The following TMEM25 variants were observed in gnomAD, a reference collection of about 807,000 sequenced individuals.
TMEM25 encodes 0610039J01Rik.
A neutral mutation model predicts 37.0 loss-of-function variants in TMEM25; 36 were observed. The observed-to-expected ratio is 0.97, with a 90% confidence interval of 0.75 to 1.28. The LOEUF is 1.28. Among genes scored for constraint, TMEM25 ranks in the 50% most tolerant of loss-of-function variants. The pLI, the probability that TMEM25 is intolerant of heterozygous loss-of-function variation, is 0.00. For missense variants in TMEM25, 444 were observed against 477.9 expected (o/e 0.93, Z 0.66); for synonymous variants, 197 against 203.7 (o/e 0.97, Z 0.28).
intron 8 of TMEM25, among the ~76,000 whole-genome samples, chr11:118,545,242 A>C (rs568166657): frequency 6.6e-6 from 1 of 152,202 alleles, no homozygotes; most frequent in South Asian, 2.1e-4. Flanking sequence ...TTTCCCCTTG[A>C]AAACTCCATC....
chr11:118,544,731 GAGGC>G, intron 8 of TMEM25: 1 of 583,516 alleles, frequency 1.7e-6, no homozygotes, highest in East Asian at 2.9e-5. Context: ...ACAGCAATCT[GAGGC>G]AGGCAGGTTC....
chr11:118,532,134 T>G lies in TMEM25; in HGVS notation c.71-16T>G. 1 of 1,539,164 alleles carries G rather than the reference T, an allele frequency of 6.5e-7. No homozygotes were observed. Among genetic ancestry groups the G allele is most frequent in the South Asian group, 1.3e-5 (1 of 78,910 alleles). ...CGTGCCTGAGCCCTTCCCAGAGGCCTCCTGCTGTGTTCCAGGTTGGGGGGA... is the reference window on the plus strand; with the variant it reads ...CGTGCCTGAGCCCTTCCCAGAGGCCGCCTGCTGTGTTCCAGGTTGGGGGGA... On this transcript the variant is annotated splice_polypyrimidine_tract_variant and intron_variant, in intron 2 of 8. Coordinates refer to ENST00000313236, the MANE Select transcript of TMEM25 (RefSeq NM_032780.4).
At position 118,534,486 on chromosome 11, in the gene TMEM25, C is replaced by T. The variant is rs200372342; in HGVS notation, c.1028-21C>T. 3.0e-5 allele frequency: 48 copies of T among 1,613,990 alleles called. No individual in the cohort carries two copies. Among genetic ancestry groups the T allele is most frequent in the Admixed American group, 1.8e-4 (11 of 60,016 alleles). On this transcript the variant is annotated intron_variant, in intron 8 of 8. Coordinates refer to ENST00000313236, the MANE Select transcript of TMEM25 (RefSeq NM_032780.4). This position sits in a 1 kb window ranked among gnomAD's most constrained non-coding sequence, Gnocchi z 4.6. ...AGGAACAAGCGTTACTGAGTCCCCG[C>T]GGGCTTCTTTGATCCCGCAGGTTTC...
At chr11:118,542,142 A>G (rs1352665788) in intron 8 of TMEM25, among the ~76,000 whole-genome samples, 1 of 152,188 alleles carries the variant, frequency 6.6e-6, no homozygotes, top group Non-Finnish European at 1.5e-5. Flanking sequence ...GGGGCCGGGA[A>G]GTACACGGTT....
chr11:118,538,345 T>G (rs1555064289), downstream of TMEM25, among the ~76,000 whole-genome samples: 2 of 151,852 alleles, frequency 1.3e-5, no homozygotes, highest in African/African-American at 4.8e-5. Flanking sequence ...ATTTTTGTAT[T>G]TTTACTAGAG....
In TMEM25 at chr11:118,531,213, C is replaced by T; in HGVS notation, c.-49C>T. 1 of 463,468 alleles carries T rather than the reference C, an allele frequency of 2.2e-6. No individual in the cohort carries two copies. The highest frequency in any genetic ancestry group is 3.8e-6 in the Non-Finnish European group (1 of 259,772). 28.7% of individuals were successfully genotyped at this position (463,468 alleles called of 1,614,324 possible). A position where few individuals can be genotyped will look rare whatever the true frequency, so the allele number is the denominator to read the frequency against. Reference sequence around the variant, plus strand: ...CATCAGACCTGAGCAGTTGCTCCGGCGGCGCTCGGGGAGGGAGCCAGGTGA... The same window carrying T: ...CATCAGACCTGAGCAGTTGCTCCGGTGGCGCTCGGGGAGGGAGCCAGGTGA... On this transcript the variant is annotated 5_prime_UTR_variant, in exon 1 of 9. Coordinates refer to ENST00000313236, the MANE Select transcript of TMEM25 (RefSeq NM_032780.4).
chr11:118,547,020 TC>T (rs1951703415), downstream of TMEM25: 1 of 152,246 alleles, frequency 6.6e-6, no homozygotes. Context: ...CACTGATATT[TC>T]TTCATATTAG....
At chr11:118,543,480 T>C (rs1555066218) in intron 8 of TMEM25, among the ~76,000 whole-genome samples, 1 of 152,146 alleles carries the variant, frequency 6.6e-6, no homozygotes, top group East Asian at 1.9e-4. Context: ...TTGTAACCAA[T>C]TTATCATATT....
downstream of TMEM25, among the ~76,000 whole-genome samples, chr11:118,540,170 C>T (rs147894407): frequency 9.4e-3 from 1,428 of 151,828 alleles, 33 homozygotes; most frequent in African/African-American, 0.033. Flanking sequence ...AGTGCAGTGG[C>T]GCAATCTCGG....
chr11:118,541,257 T>A (rs1951574434), intron 8 of TMEM25, among the ~76,000 whole-genome samples: 1 of 151,868 alleles, frequency 6.6e-6, no homozygotes, highest in Admixed American at 6.6e-5. Flanking sequence ...GGTCAAGAGA[T>A]CGAGACCATC....
downstream of TMEM25, among the ~76,000 whole-genome samples, chr11:118,540,491 T>A (rs1018091130): frequency 1.1e-4 from 17 of 152,250 alleles, no homozygotes; most frequent in African/African-American, 3.9e-4. Flanking sequence ...CAGAAGGTCC[T>A]GGGGCTCTTC....
At chr11:118,544,925 G>C in intron 8 of TMEM25, 1 of 1,612,230 alleles carries the variant, frequency 6.2e-7, no homozygotes, top group Non-Finnish European at 8.5e-7. Context: ...CTCAGCTGAA[G>C]GTTAATGTCT....
intron 2 of TMEM25, 33 bp downstream of exon 2, chr11:118,531,904 T>G: frequency 6.5e-7 from 1 of 1,550,344 alleles, no homozygotes; most frequent in Non-Finnish European, 8.7e-7. Flanking sequence ...ACCAAGTCCT[T>G]CTGGGTTCCA....
At chr11:118,543,311 TTGTG>T (rs1271181240) in intron 8 of TMEM25, among the ~76,000 whole-genome samples, 1 of 152,142 alleles carries the variant, frequency 6.6e-6, no homozygotes, top group Non-Finnish European at 1.5e-5. Flanking sequence ...CATGTGTTTA[TTGTG>T]TATCTATTAG....
chr11:118,532,329 G>A lies in TMEM25; in HGVS notation c.250G>A (p.Gly84Arg), dbSNP rs781911808. The A allele has an allele frequency of 1.9e-6, 3 of 1,614,250 alleles. No individual in the cohort carries two copies. The East Asian group carries it at 6.7e-5, about 36-fold the overall frequency. Residue 84 changes from glycine to arginine, a missense_variant, in exon 3 of 9, where the codon GGG becomes AGG. By Grantham distance (125) the Gly-to-Arg change is moderately radical. Transcript: ENST00000313236. ...ASTSRLLSVGGEAFSGGTSTF... is the reference protein window; with the variant it reads ...ASTSRLLSVGREAFSGGTSTF... ...CACCTCAAGACTGCTGAGCGTGGGA[G>A]GGGAGGCCTTCTCTGGAGGCACCAG...
At chr11:118,545,780 A>G in intron 8 of TMEM25, 2 of 1,613,468 alleles carry the variant, frequency 1.2e-6, no homozygotes, top group South Asian at 1.1e-5. Flanking sequence ...GAGGAAAGGA[A>G]AGAGGAACTC....
chr11:118,542,300 C>T (rs1555065722), intron 8 of TMEM25, among the ~76,000 whole-genome samples: 2 of 152,182 alleles, frequency 1.3e-5, no homozygotes, highest in African/African-American at 4.8e-5. Context: ...CATGATAAGC[C>T]GCCAATGCAT....
chr11:118,535,936 G>A (rs561687769), downstream of TMEM25: 14 of 801,318 alleles, frequency 1.7e-5, no homozygotes, highest in Non-Finnish European at 2.0e-5. Context: ...GGAGTGCAGC[G>A]GCGCGATCTT....
chr11:118,532,587 A>T lies in TMEM25; in HGVS notation c.382+126A>T, dbSNP rs74717201. ...CACTTTGCAAATATGAACTCATTTG[A>T]TCCTCTGAGTAACCCCATGAGGTCA... On this transcript the variant is annotated intron_variant, in intron 3 of 8. Coordinates refer to ENST00000313236, the MANE Select transcript of TMEM25 (RefSeq NM_032780.4). 354 of 1,089,628 alleles carry T rather than the reference A, an allele frequency of 3.2e-4. No homozygotes were observed. In the African/African-American group the frequency reaches 4.8e-3, roughly 15 times the overall value. 67.5% of individuals were successfully genotyped at this position (1,089,628 alleles called of 1,614,324 possible).
Sources: gnomAD v4.1 joint callset for allele counts (sites outside exome capture counted in the v4.1 genomes callset) on GRCh38, gnomAD v4.1.1 for gene constraint, Gnocchi (gnomAD v3.1) non-coding constraint, MANE v1.5 for transcripts, NCBI Gene and HGNC (gene_info 2026-07-23, HGNC 2026-07-21) for gene names.